ERBB4: variants seen among roughly 807,000 people sequenced by gnomAD.
The protein encoded by ERBB4 is erb-b2 receptor tyrosine kinase 4.
Under a neutral mutation model 158.0 loss-of-function variants are expected in ERBB4, and 42 were observed. That is an observed-to-expected ratio of 0.27 (90% CI 0.21 to 0.34). ERBB4 has a LOEUF of 0.34. Ranked by LOEUF, ERBB4 falls within the 10% of genes least tolerant of loss-of-function variation. ERBB4 has a pLI of 1.00. For missense variants in ERBB4, 1,333 were observed against 1,624.1 expected (o/e 0.82, Z 3.08); for synonymous variants, 583 against 558.7 (o/e 1.04, Z -0.61).
At chr2:212,338,635 C>T (rs2088562011) in intron 1 of ERBB4, among the ~76,000 whole-genome samples, 1 of 152,100 alleles carries the variant, frequency 6.6e-6, no homozygotes, top group Non-Finnish European at 1.5e-5. Context: ...TATACCTACA[C>T]AACTCATTGA....
At chr2:211,590,483 C>A (rs1257570202) in intron 19 of ERBB4, among the ~76,000 whole-genome samples, 1 of 152,160 alleles carries the variant, frequency 6.6e-6, no homozygotes, top group Non-Finnish European at 1.5e-5. Flanking sequence ...GATCAACCAG[C>A]ACCACCCAGA....
At chr2:212,101,350 C>CACATATATATATATATATACAT (rs2079075830) in intron 2 of ERBB4, among the ~76,000 whole-genome samples, 1 of 143,088 alleles carries the variant, frequency 7.0e-6, no homozygotes, top group Non-Finnish European at 1.5e-5. Flanking sequence ...ACACCCTATA[C>CACATATATATATATATATACAT]ATATATATAT....
chr2:212,148,172 AG>A (rs1209343938), intron 1 of ERBB4, among the ~76,000 whole-genome samples: 1 of 151,982 alleles, frequency 6.6e-6, no homozygotes, highest in Non-Finnish European at 1.5e-5. Flanking sequence ...AGAGTGAAAA[AG>A]TACAATGGCA....
At chr2:211,719,620 C>T (rs947897688) in intron 7 of ERBB4, among the ~76,000 whole-genome samples, 2 of 152,028 alleles carry the variant, frequency 1.3e-5, no homozygotes, top group East Asian at 3.9e-4. Context: ...CTTTGGGAGG[C>T]CGAGGCGGGC....
intron 3 of ERBB4, among the ~76,000 whole-genome samples, chr2:211,912,091 G>C (rs1200077720): frequency 6.6e-6 from 1 of 152,116 alleles, no homozygotes; most frequent in African/African-American, 2.4e-5. Flanking sequence ...TAGGAAGACA[G>C]GTAGGTAGGC....
intron 1 of ERBB4, among the ~76,000 whole-genome samples, chr2:212,361,143 T>C (rs1488800485): frequency 2.6e-5 from 4 of 151,694 alleles, no homozygotes; most frequent in Non-Finnish European, 5.9e-5. Context: ...GAACCCATAC[T>C]TTAATTAAAG....
chr2:211,707,302 A>C (rs534770114), intron 9 of ERBB4, among the ~76,000 whole-genome samples: 3 of 152,170 alleles, frequency 2.0e-5, no homozygotes, highest in Non-Finnish European at 2.9e-5. Flanking sequence ...CACTGATTTC[A>C]AAGTATGTCT....
chr2:212,464,047 A>G (rs989627762), intron 1 of ERBB4, among the ~76,000 whole-genome samples: 1 of 152,176 alleles, frequency 6.6e-6, no homozygotes, highest in African/African-American at 2.4e-5. Context: ...CTTCTGCTTA[A>G]CTAGTTGGAG....
At chr2:211,688,077 A>T (rs1399349624) in intron 12 of ERBB4, among the ~76,000 whole-genome samples, 1 of 151,906 alleles carries the variant, frequency 6.6e-6, no homozygotes, top group Non-Finnish European at 1.5e-5. Context: ...CATGTTATTC[A>T]CTCCACATTA....
intron 1 of ERBB4, among the ~76,000 whole-genome samples, chr2:212,441,802 G>C (rs2092260469): frequency 6.6e-6 from 1 of 152,190 alleles, no homozygotes; most frequent in Non-Finnish European, 1.5e-5. Context: ...GTTTAATGTA[G>C]AGAAAAGGAT....
intron 3 of ERBB4, among the ~76,000 whole-genome samples, chr2:211,827,763 GAC>G (rs1452785903): frequency 6.6e-6 from 1 of 151,856 alleles, no homozygotes; most frequent in African/African-American, 2.4e-5. Flanking sequence ...ATGGCTATAA[GAC>G]ACATTCATGA....
chr2:212,479,668 A>G (rs1689587385), intron 1 of ERBB4, among the ~76,000 whole-genome samples: 1 of 152,124 alleles, frequency 6.6e-6, no homozygotes, highest in African/African-American at 2.4e-5. Flanking sequence ...TCCACTCACA[A>G]TCACCGTAAT....
chr2:211,679,257 C>T lies in ERBB4; in HGVS notation c.1490-73G>A, dbSNP rs188376385. 3.0e-5 allele frequency: 47 copies of T among 1,546,862 alleles called. 1 individual carries two copies. Among genetic ancestry groups the T allele is most frequent in the Non-Finnish European group, 3.3e-5 (37 of 1,124,814 alleles). On this transcript the variant is annotated intron_variant, in intron 12 of 27. Transcript: ENST00000342788. ...AAACTTAAAATCTTCCTAGGTAATG[C>T]TATTTCTAAAGGAGTTCACTTAAAA...
At chr2:211,607,655 A>C (rs2069033065) in intron 19 of ERBB4, among the ~76,000 whole-genome samples, 1 of 152,104 alleles carries the variant, frequency 6.6e-6, no homozygotes, top group East Asian at 1.9e-4. Flanking sequence ...GCTATACATA[A>C]ACTGTAAGCA....
At chr2:211,780,979 ATGTAT>A (rs1265160279) in intron 4 of ERBB4, among the ~76,000 whole-genome samples, 1 of 152,206 alleles carries the variant, frequency 6.6e-6, no homozygotes, top group African/African-American at 2.4e-5. Flanking sequence ...GCAAAGTTAG[ATGTAT>A]TGTATGTCTA....
chr2:212,122,365 A>AT (rs2079783439), intron 2 of ERBB4, among the ~76,000 whole-genome samples: 1 of 110,604 alleles, frequency 9.0e-6, no homozygotes, highest in East Asian at 2.0e-4. Flanking sequence ...AATATAAATG[A>AT]TTTTTTATAA....
intron 1 of ERBB4, among the ~76,000 whole-genome samples, chr2:212,413,237 C>T (rs892993028): frequency 1.3e-5 from 2 of 149,858 alleles, no homozygotes; most frequent in African/African-American, 4.9e-5. Context: ...CCGCCCGACT[C>T]GGCCTCCCAA....
intron 16 of ERBB4, among the ~76,000 whole-genome samples, chr2:211,649,025 A>T (rs2070883005): frequency 1.3e-5 from 2 of 151,890 alleles, no homozygotes; most frequent in Non-Finnish European, 3.0e-5. Context: ...ATGTTTGTTC[A>T]TATATGTCTT....
intron 1 of ERBB4, among the ~76,000 whole-genome samples, chr2:212,361,749 C>T (rs1300087486): frequency 2.6e-5 from 4 of 151,678 alleles, no homozygotes; most frequent in African/African-American, 4.8e-5. Flanking sequence ...TTAACCTCCA[C>T]AATCCTCAAC....
Sources: allele counts gnomAD v4.1 joint callset (sites outside exome capture counted in the v4.1 genomes callset), GRCh38; gene constraint gnomAD v4.1.1; transcripts MANE v1.5; gene names NCBI Gene and HGNC (gene_info 2026-07-23, HGNC 2026-07-21).